ADGRL3: variants seen among roughly 807,000 people sequenced by gnomAD.
ADGRL3 encodes adhesion G protein-coupled receptor L3, also known as calcium-independent alpha-latrotoxin receptor 3.
ADGRL3 carries 62 observed loss-of-function variants against 153.5 expected under a neutral mutation model. The observed-to-expected ratio is 0.40, with a 90% CI of 0.33 to 0.50. ADGRL3 has a LOEUF of 0.50. Ranked by LOEUF, ADGRL3 falls within the 20% of genes least tolerant of loss-of-function variation. The pLI is 0.47. For synonymous variants in ADGRL3, 710 were observed against 672.5 expected (o/e 1.06, Z -0.86); for missense variants, 1,641 against 1,859.4 (o/e 0.88, Z 2.16).
intron 1 of ADGRL3, among the ~76,000 whole-genome samples, chr4:61,327,556 T>A (rs1020163915): frequency 8.6e-5 from 13 of 152,036 alleles, no homozygotes; most frequent in African/African-American, 2.9e-4. Context: ...AAATTTAAAG[T>A]TTGTGATGGG....
At chr4:61,583,082 T>C (rs1560882271) in intron 4 of ADGRL3, among the ~76,000 whole-genome samples, 1 of 152,092 alleles carries the variant, frequency 6.6e-6, no homozygotes, top group South Asian at 2.1e-4. Context: ...AACCAATTAA[T>C]TGGCTACTTG....
chr4:61,515,931 C>A (rs1450731621), intron 3 of ADGRL3, among the ~76,000 whole-genome samples: 1 of 152,066 alleles, frequency 6.6e-6, no homozygotes, highest in Admixed American at 6.5e-5. Flanking sequence ...GCTTTTTGGT[C>A]TTGAAACTTA....
intron 8 of ADGRL3, among the ~76,000 whole-genome samples, chr4:61,755,100 G>A (rs2096807383): frequency 1.3e-5 from 2 of 152,156 alleles, no homozygotes; most frequent in African/African-American, 4.8e-5. Context: ...TGTCTTTACA[G>A]CAGCATGATT....
At chr4:61,429,783 T>C (rs1337294180) in intron 2 of ADGRL3, among the ~76,000 whole-genome samples, 1 of 152,134 alleles carries the variant, frequency 6.6e-6, no homozygotes, top group African/African-American at 2.4e-5. Flanking sequence ...GAAATAGTCA[T>C]GTTAATTAGG....
rs184498813 is a variant in ADGRL3 at position 61,271,271 on chromosome 4, G to A, written c.-240+69506G>A. On this transcript the variant is annotated intron_variant, in intron 1 of 26. Coordinates refer to ENST00000683033, the MANE Select transcript of ADGRL3 (RefSeq NM_001387552.1). ...AGGCCTTGCTCTTCAAGACTTGACA[G>A]AAATGACTGTTACCGTGTTTTTCAA... 6.1e-4 allele frequency among the ~76,000 whole-genome samples: 92 copies of A among 152,004 alleles called. 1 individual carries two copies. Among genetic ancestry groups the A allele is most frequent in the African/African-American group, 2.1e-3 (87 of 41,526 alleles).
rs2095227140 is a variant in ADGRL3, at chr4:61,316,756, C to T, written c.-239-66368C>T. On this transcript the variant is annotated intron_variant, in intron 1 of 26. Coordinates refer to ENST00000683033, the MANE Select transcript of ADGRL3 (RefSeq NM_001387552.1). Reference sequence around the variant, plus strand: ...ATTCAGAAAATGATTCTATTAAGTTCTATGCCATTTTCATGTTTGTATGAC... The same window carrying T: ...ATTCAGAAAATGATTCTATTAAGTTTTATGCCATTTTCATGTTTGTATGAC... Among the ~76,000 whole-genome samples the T allele has an allele frequency of 4.6e-5, 7 of 152,258 alleles. No homozygotes were observed. The South Asian group carries it at 1.2e-3, about 27-fold the overall frequency.
At chr4:61,497,682 A>ATT (rs71211389) in intron 3 of ADGRL3, among the ~76,000 whole-genome samples, 2,476 of 138,910 alleles carry the variant, frequency 0.018, 47 homozygotes, top group East Asian at 0.045. Flanking sequence ...CGCCTGGCTA[A>ATT]TTTTTTTTTT....
chr4:61,750,605 A>C (rs994597263), intron 8 of ADGRL3, among the ~76,000 whole-genome samples: 5 of 151,794 alleles, frequency 3.3e-5, no homozygotes, highest in Admixed American at 1.3e-4. Context: ...TCCCGGCTAA[A>C]ACGGTGAAAC....
chr4:61,242,249 G>T (rs760965299), intron 1 of ADGRL3, among the ~76,000 whole-genome samples: 3 of 152,004 alleles, frequency 2.0e-5, no homozygotes, highest in Non-Finnish European at 2.9e-5. Flanking sequence ...TGAGGTTGGA[G>T]ATTGTGTCTA....
At chr4:61,365,182 T>C (rs1158230236) in intron 1 of ADGRL3, among the ~76,000 whole-genome samples, 5 of 151,746 alleles carry the variant, frequency 3.3e-5, no homozygotes, top group African/African-American at 1.2e-4. Flanking sequence ...GTTCTCTAAA[T>C]AGGAAGATTT....
intron 6 of ADGRL3, among the ~76,000 whole-genome samples, chr4:61,709,064 C>T (rs1385731503): frequency 6.6e-6 from 1 of 152,070 alleles, no homozygotes; most frequent in Non-Finnish European, 1.5e-5. Flanking sequence ...CCGTCTCAGC[C>T]TCCCAAAGTG....
intron 5 of ADGRL3, among the ~76,000 whole-genome samples, chr4:61,600,912 T>C (rs1424835473): frequency 5.3e-5 from 8 of 152,212 alleles, no homozygotes; most frequent in Non-Finnish European, 1.0e-4. Context: ...ATATGACTTC[T>C]CAGTATAGAA....
rs112673755 is a variant in ADGRL3 at position 61,606,073 on chromosome 4, G to T, written c.473+18633G>T. 4.3e-3 allele frequency among the ~76,000 whole-genome samples: 657 copies of T among 152,204 alleles called. 6 individuals are homozygous for T. Among genetic ancestry groups the T allele is most frequent in the African/African-American group, 0.015 (627 of 41,534 alleles). ...GGGCTCCTAATGCAGCCTGAGGTGA[G>T]CTAGAAAATGTCATAGAGAGGTTGG... On this transcript the variant is annotated intron_variant, in intron 5 of 26. Transcript: ENST00000683033.
At chr4:61,729,134 T>C (rs2096397666) in intron 6 of ADGRL3, among the ~76,000 whole-genome samples, 1 of 151,990 alleles carries the variant, frequency 6.6e-6, no homozygotes, top group Non-Finnish European at 1.5e-5. Context: ...GGATCAGTCA[T>C]ACTCCAAACC....
At chr4:61,462,020 A>T (rs1434098722) in intron 2 of ADGRL3, among the ~76,000 whole-genome samples, 1 of 152,232 alleles carries the variant, frequency 6.6e-6, no homozygotes, top group Admixed American at 6.5e-5. Flanking sequence ...TAAAATAAAA[A>T]TGTAATATTT....
At chr4:61,369,021 C>A (rs900229558) in intron 1 of ADGRL3, among the ~76,000 whole-genome samples, 1 of 152,106 alleles carries the variant, frequency 6.6e-6, no homozygotes, top group Non-Finnish European at 1.5e-5. Flanking sequence ...CATTATTTGG[C>A]TCTCTGTTTG....
intron 25 of ADGRL3, among the ~76,000 whole-genome samples, chr4:62,047,765 T>C (rs1731894007): frequency 6.6e-6 from 1 of 152,200 alleles, no homozygotes; most frequent in Non-Finnish European, 1.5e-5. Flanking sequence ...TTTCTGTATA[T>C]TTTCAAATAT....
chr4:61,307,046 CTG>C (rs896590305), intron 1 of ADGRL3, among the ~76,000 whole-genome samples: 19 of 152,082 alleles, frequency 1.2e-4, no homozygotes, highest in Non-Finnish European at 1.5e-5. Context: ...TATTGAATCC[CTG>C]TGTGTAAAAA....
At chr4:61,777,203 G>C (rs2152347170) in intron 8 of ADGRL3, among the ~76,000 whole-genome samples, 1 of 152,072 alleles carries the variant, frequency 6.6e-6, no homozygotes, top group Admixed American at 6.6e-5. Flanking sequence ...CGTGGTGGCG[G>C]GCACCTGTAG....
Sources: allele counts gnomAD v4.1 joint callset (sites outside exome capture counted in the v4.1 genomes callset), GRCh38; gene constraint gnomAD v4.1.1; transcripts MANE v1.5; gene names NCBI Gene and HGNC (gene_info 2026-07-23, HGNC 2026-07-21).